Variants in FNBP1 observed in about 807,000 individuals in gnomAD.
FNBP1 encodes the protein formin-binding protein 1.
A neutral mutation model predicts 90.6 loss-of-function variants in FNBP1; 26 were observed. That is an observed-to-expected ratio of 0.29 (90% CI 0.21 to 0.40). The LOEUF is 0.40. FNBP1 is among the 10% of genes least tolerant of loss of function. FNBP1 has a pLI of 1.00. For missense variants in FNBP1, 635 were observed against 768.0 expected, an observed-to-expected ratio of 0.83 and a Z score of 2.05; for synonymous variants, 260 against 265.2, an observed-to-expected ratio of 0.98 and a Z score of 0.19.
At position 129,915,538 on chromosome 9, in the gene FNBP1, G is replaced by GT. The variant is rs527939588; in HGVS notation, c.1185+427dup. ...GCTGCCACGCCCGGCTAATTTTTTGGTTTTTTGTAGAGATGGGGTTTCACC... is the reference window on the plus strand; with the variant it reads ...GCTGCCACGCCCGGCTAATTTTTTGGTTTTTTTGTAGAGATGGGGTTTCACC... On this transcript the variant is annotated intron_variant, in intron 11 of 16. Coordinates refer to ENST00000446176, the MANE Select transcript of FNBP1 (RefSeq NM_015033.3). 6.2e-4 allele frequency among the ~76,000 whole-genome samples: 94 copies of GT among 152,062 alleles called. 2 individuals carry two copies. In the East Asian group the frequency reaches 0.011, roughly 18 times the overall value.
chr9:129,956,510 A>G (rs1285653749), intron 6 of FNBP1, among the ~76,000 whole-genome samples: 3 of 152,234 alleles, frequency 2.0e-5, no homozygotes, highest in Non-Finnish European at 4.4e-5. Context: ...AGCCACAATG[A>G]GAAACAGTAT....
intron 8 of FNBP1, among the ~76,000 whole-genome samples, chr9:129,925,492 TGA>T (rs2041744999): frequency 6.7e-6 from 1 of 149,512 alleles, no homozygotes; most frequent in African/African-American, 2.5e-5. Context: ...GGCGACAGAG[TGA>T]GACTCCATCT....
intron 12 of FNBP1, among the ~76,000 whole-genome samples, chr9:129,905,308 A>ATT (rs1214800361): frequency 2.4e-4 from 35 of 147,990 alleles, no homozygotes; most frequent in African/African-American, 6.7e-4. Flanking sequence ...ATATATATAT[A>ATT]TATATTTTGT....
intron 1 of FNBP1, among the ~76,000 whole-genome samples, chr9:130,037,622 T>C (rs2059438505): frequency 6.6e-6 from 1 of 152,168 alleles, no homozygotes; most frequent in South Asian, 2.1e-4. Context: ...GGATAATTTT[T>C]CAAACCCTAC....
chr9:129,927,108 G>T, intron 8 of FNBP1, 87 bp downstream of exon 8: 3 of 1,359,706 alleles, frequency 2.2e-6, no homozygotes, highest in Non-Finnish European at 2.1e-6. Flanking sequence ...ACCATGAGAT[G>T]ATGACATGAG....
rs923401215 is a variant in FNBP1, at chr9:129,889,948, G to A, written c.*591C>T. ...TGCCTGCCAGATGCTCCCAGGTTGA[G>A]GGCATAGTGAAAGGGTCAATGTTTA... On this transcript the variant is annotated 3_prime_UTR_variant, in exon 17 of 17. Coordinates refer to ENST00000446176, the MANE Select transcript of FNBP1 (RefSeq NM_015033.3). 1.7e-5 allele frequency: 4 copies of A among 237,292 alleles called. No homozygotes were observed. The highest frequency in any genetic ancestry group is 8.8e-5 in the African/African-American group (4 of 45,388). The allele number at this position is 237,292 out of a possible 1,614,324, so 14.7% of individuals were successfully genotyped here. A position where few individuals can be genotyped will look rare whatever the true frequency, so the allele number is the denominator to read the frequency against.
Position 129,923,982 on chromosome 9 carries a change from AG to A in FNBP1, c.1031del (p.Pro344LeufsTer32). 1 of 1,075,362 alleles carries A rather than the reference AG, an allele frequency of 9.3e-7. No individual in the cohort carries two copies. The highest frequency in any genetic ancestry group is 5.0e-5 in the East Asian group (1 of 19,970). 66.6% of individuals were successfully genotyped at this position (1,075,362 alleles called of 1,614,324 possible). On this transcript the variant is annotated frameshift_variant, in exon 10 of 17. Transcript: ENST00000446176. LOFTEE classifies it high-confidence loss of function. ...LTSPHQPPPP[P>X]PASASPSAVP... ...CAGCAGAGGGTGAGGCAGAGGCAGG[AG>A]GGGGAGGGGGAGGCTGATGGGGGGA...
At chr9:130,007,248 A>AAG (rs2055873916) in intron 1 of FNBP1, among the ~76,000 whole-genome samples, 1 of 149,000 alleles carries the variant, frequency 6.7e-6, no homozygotes, top group African/African-American at 2.5e-5. Flanking sequence ...TCAAAAAAAA[A>AAG]AAAAAAAAAG....
Position 129,902,979 on chromosome 9 carries a change from C to A in FNBP1, c.1318G>T (p.Asp440Tyr), listed in dbSNP as rs1310320527. 1 of 1,589,816 alleles carries A rather than the reference C, an allele frequency of 6.3e-7. No individual in the cohort carries two copies. The highest frequency in any genetic ancestry group is 1.1e-5 in the South Asian group (1 of 88,414). Residue 440 changes from aspartate (D) to tyrosine (Y), a missense_variant, in exon 13 of 17, where the codon GAT becomes TAT. By Grantham distance (160) the Asp-to-Tyr change is radical (BLOSUM62 -3). Coordinates refer to ENST00000446176, the MANE Select transcript of FNBP1 (RefSeq NM_015033.3). ...ATCTGAGGATTCTTTAGGTAGACAT[C>A]TTTCATTTTTGTTATGGCATCTCTG... is the stretch of plus-strand genomic sequence containing the variant. ...DQRDAITKMKDVYLKNPQMGD... is the reference protein window; with the variant it reads ...DQRDAITKMKYVYLKNPQMGD...
the FNBP1 span, chr9:130,053,772 C>T: frequency 9.0e-6 from 6 of 668,052 alleles, no homozygotes; most frequent in Non-Finnish European, 1.3e-5. Flanking sequence ...GTGGGCAGCA[C>T]AGGCTCCTCG....
chr9:129,958,275 TAC>T (rs2047243546), intron 5 of FNBP1, among the ~76,000 whole-genome samples: 1 of 151,854 alleles, frequency 6.6e-6, no homozygotes, highest in Non-Finnish European at 1.5e-5. Flanking sequence ...CTACCAAAAA[TAC>T]AAAAATTAGC....
chr9:130,005,251 A>C (rs1035170699), intron 1 of FNBP1, among the ~76,000 whole-genome samples: 1 of 151,988 alleles, frequency 6.6e-6, no homozygotes, highest in Non-Finnish European at 1.5e-5. Flanking sequence ...AGAACTTTAC[A>C]AACAAAAATG....
intron 4 of FNBP1, among the ~76,000 whole-genome samples, chr9:129,959,366 G>GCGGTGAGCCGA (rs2047446050): frequency 1.3e-5 from 2 of 152,152 alleles, no homozygotes; most frequent in African/African-American, 4.8e-5. Context: ...TGAAGTGGGT[G>GCGGTGAGCCGA]GATCATGAGG....
the FNBP1 span, among the ~76,000 whole-genome samples, chr9:130,050,106 T>A: frequency 6.6e-6 from 1 of 152,296 alleles, no homozygotes. Context: ...TTCTCAGGAT[T>A]TTTTCTTCTT....
At chr9:130,051,493 A>G in the FNBP1 span, among the ~76,000 whole-genome samples, 9 of 152,206 alleles carry the variant, frequency 5.9e-5, no homozygotes, top group African/African-American at 1.7e-4. Flanking sequence ...TACACATTCT[A>G]GTAGCAACCT....
chr9:129,938,315 G>T (rs2043803861), intron 6 of FNBP1, among the ~76,000 whole-genome samples: 1 of 152,162 alleles, frequency 6.6e-6, no homozygotes, highest in African/African-American at 2.4e-5. Context: ...GCAAACTGTT[G>T]TATCTAGAAT....
At chr9:130,047,118 G>A (rs28711135), upstream of FNBP1, among the ~76,000 whole-genome samples, 35,927 of 151,972 alleles carry the variant, frequency 0.24, 4,410 homozygotes, top group Non-Finnish European at 0.28. Flanking sequence ...TGAAGTGCGA[G>A]GCTGCAGTGG....
In FNBP1 at chr9:129,888,994, C is replaced by G. The variant is rs1202516543; in HGVS notation, c.*1545G>C. 2 of 202,172 alleles carry G rather than the reference C, an allele frequency of 9.9e-6. No individual in the cohort carries two copies. Among genetic ancestry groups the G allele is most frequent in the East Asian group, 7.6e-5 (1 of 13,204 alleles). The allele number at this position is 202,172 out of a possible 1,614,324, so 12.5% of individuals were successfully genotyped here. On this transcript the variant is annotated 3_prime_UTR_variant, in exon 17 of 17. Coordinates refer to ENST00000446176, the MANE Select transcript of FNBP1 (RefSeq NM_015033.3). ...GTCATCCCCAGGCTTCCGTGGCGCT[C>G]TCGGTCACAGGAGCTCTAGGCCAAT...
intron 6 of FNBP1, among the ~76,000 whole-genome samples, chr9:129,945,711 A>T (rs114890042): frequency 2.6e-5 from 4 of 152,372 alleles, no homozygotes; most frequent in African/African-American, 9.6e-5. Flanking sequence ...TTCCAACCGA[A>T]GAAAACCTAA....
Sources: gnomAD v4.1 joint callset for allele counts (sites outside exome capture counted in the v4.1 genomes callset) on GRCh38, gnomAD v4.1.1 for gene constraint, MANE v1.5 for transcripts, NCBI Gene and HGNC (gene_info 2026-07-23, HGNC 2026-07-21) for gene names.